Variants in TNRC6C observed in about 807,000 individuals in gnomAD.
The protein encoded by TNRC6C is trinucleotide repeat-containing gene 6C protein.
Under a neutral mutation model 153.7 loss-of-function variants are expected in TNRC6C, and 20 were observed. That is an observed-to-expected ratio of 0.13 (90% CI 0.09 to 0.19). The LOEUF (loss-of-function observed/expected upper bound fraction) is 0.19, where lower values mean the gene tolerates loss of function less well. TNRC6C is among the 10% of genes least tolerant of loss of function. The pLI is 1.00. For missense variants in TNRC6C, 1,987 were observed against 2,172.0 expected (o/e 0.91, Z 1.69); for synonymous variants, 811 against 841.4 (o/e 0.96, Z 0.63).
At chr17:78,086,173 T>C (rs1379678361) in intron 11 of TNRC6C, among the ~76,000 whole-genome samples, 1 of 151,416 alleles carries the variant, frequency 6.6e-6, no homozygotes, top group Non-Finnish European at 1.5e-5. Context: ...CTACTAAAAA[T>C]ACAAAAATTA....
chr17:78,011,151 C>T (rs1357961608), intron 1 of TNRC6C, among the ~76,000 whole-genome samples: 1 of 152,154 alleles, frequency 6.6e-6, no homozygotes, highest in African/African-American at 2.4e-5. Context: ...AATTTGTTTA[C>T]CCAGACCAGT....
At chr17:78,052,042 G>C (rs1448105292) in intron 3 of TNRC6C, among the ~76,000 whole-genome samples, 1 of 152,232 alleles carries the variant, frequency 6.6e-6, no homozygotes, top group Non-Finnish European at 1.5e-5. Context: ...GTGGAGATGA[G>C]AATGAATGAA....
At chr17:78,006,491 CTTTCTTCTTCTTCTT>C (rs893721407) in intron 1 of TNRC6C, among the ~76,000 whole-genome samples, 5 of 134,714 alleles carry the variant, frequency 3.7e-5, no homozygotes, top group African/African-American at 1.4e-4. Context: ...TCTTCTTCTT[CTTTCTTCTTCTTCTT>C]CTTCTTCTTC....
chr17:78,048,928 A>T, exon 3 of TNRC6C: 1 of 1,274,940 alleles, frequency 7.8e-7, no homozygotes. Flanking sequence ...AGCCAACTGC[A>T]GCTGGGATAA....
chr17:77,982,664 TCTA>T (rs2071096948), intron 1 of TNRC6C, among the ~76,000 whole-genome samples: 1 of 152,098 alleles, frequency 6.6e-6, no homozygotes, highest in Non-Finnish European at 1.5e-5. Context: ...AAACCCCATC[TCTA>T]CTAAAAATAA....
At chr17:78,057,764 A>G (rs1415443113) in intron 3 of TNRC6C, among the ~76,000 whole-genome samples, 1 of 152,218 alleles carries the variant, frequency 6.6e-6, no homozygotes, top group African/African-American at 2.4e-5. Context: ...GTTGTGGATC[A>G]TTACCACTTA....
chr17:77,984,551 C>T (rs772562947), intron 1 of TNRC6C, among the ~76,000 whole-genome samples: 36 of 152,270 alleles, frequency 2.4e-4, no homozygotes, highest in Non-Finnish European at 4.6e-4. Context: ...TCTCCACTCC[C>T]TCCTTCAGTG....
intron 1 of TNRC6C, among the ~76,000 whole-genome samples, chr17:78,019,112 G>A (rs1278380271): frequency 6.6e-6 from 1 of 152,172 alleles, no homozygotes; most frequent in African/African-American, 2.4e-5. Context: ...GGCCTCGGCT[G>A]TTACAGATGA....
chr17:78,059,775 G>C, intron 3 of TNRC6C, among the ~76,000 whole-genome samples: 1 of 151,702 alleles, frequency 6.6e-6, no homozygotes, highest in East Asian at 1.9e-4. Flanking sequence ...CCAGAGCCCA[G>C]GGAGGTGAAG....
intron 1 of TNRC6C, among the ~76,000 whole-genome samples, chr17:77,994,710 A>G (rs2143098983): frequency 6.6e-6 from 1 of 152,278 alleles, no homozygotes; most frequent in African/African-American, 2.4e-5. Context: ...CAAATATGCC[A>G]CAAGTTTCAG....
chr17:78,061,996 A>G (rs867997663), intron 3 of TNRC6C, among the ~76,000 whole-genome samples: 6 of 152,216 alleles, frequency 3.9e-5, no homozygotes, highest in Admixed American at 6.5e-5. Context: ...TGAGTTCATT[A>G]TTTAATTACC....
chr17:78,093,188 A>G (rs1598786208), intron 15 of TNRC6C, 64 bp downstream of exon 17: 1 of 1,533,930 alleles, frequency 6.5e-7, no homozygotes, highest in East Asian at 2.3e-5. Flanking sequence ...GCCTGCAGAG[A>G]GTGATTAGGC....
At chr17:78,062,009 C>T (rs2072778876) in intron 3 of TNRC6C, among the ~76,000 whole-genome samples, 1 of 152,186 alleles carries the variant, frequency 6.6e-6, no homozygotes, top group African/African-American at 2.4e-5. Context: ...TAATTACCTA[C>T]AGTAAATTAG....
rs148194115 is a variant in TNRC6C at position 78,060,354 on chromosome 17, G to A, written c.2396-4368G>A. Reference sequence around the variant, plus strand: ...TAAATTTGCATTAAGTTTAAAGGCCGTTGGTATGAGTAAAAAATCTCATCT... The same window carrying A: ...TAAATTTGCATTAAGTTTAAAGGCCATTGGTATGAGTAAAAAATCTCATCT... On this transcript the variant is annotated intron_variant, in intron 3 of 19. Transcript: ENST00000301624. 1.8e-3 allele frequency among the ~76,000 whole-genome samples: 267 copies of A among 152,004 alleles called. 1 individual carries two copies. Among genetic ancestry groups the A allele is most frequent in the African/African-American group, 5.8e-3 (242 of 41,438 alleles).
intron 14 of TNRC6C, 136 bp from the exon 17 acceptor site, chr17:78,092,797 C>A: frequency 1.6e-6 from 1 of 637,066 alleles, no homozygotes; most frequent in Non-Finnish European, 2.7e-6. Flanking sequence ...CAGACCAAGT[C>A]TTACAATTCA....
intron 5 of TNRC6C, among the ~76,000 whole-genome samples, chr17:78,068,167 CT>C (rs752209859): frequency 1.5e-4 from 23 of 152,188 alleles, no homozygotes; most frequent in Non-Finnish European, 2.5e-4. Context: ...GTCCAGAGAA[CT>C]TTATTGTAGC....
intron 13 of TNRC6C, among the ~76,000 whole-genome samples, chr17:78,087,921 G>T (rs947892131): frequency 2.0e-5 from 3 of 152,190 alleles, no homozygotes; most frequent in Non-Finnish European, 4.4e-5. Context: ...AATTGATTCT[G>T]CATGGACTAA....
intron 1 of TNRC6C, among the ~76,000 whole-genome samples, chr17:77,967,032 C>A (rs906124013): frequency 6.6e-6 from 1 of 152,020 alleles, no homozygotes; most frequent in Admixed American, 6.6e-5. Context: ...ATAATAGATT[C>A]TTTTTTACTC....
At chr17:78,063,018 G>A (rs2072798928) in intron 3 of TNRC6C, among the ~76,000 whole-genome samples, 1 of 152,044 alleles carries the variant, frequency 6.6e-6, no homozygotes. Context: ...GGCTGAAGCG[G>A]GGGGATCACT....
Sources: gnomAD v4.1 joint callset for allele counts (sites outside exome capture counted in the v4.1 genomes callset) on GRCh38, gnomAD v4.1.1 for gene constraint, MANE v1.5 for transcripts, NCBI Gene and HGNC (gene_info 2026-07-23, HGNC 2026-07-21) for gene names.